Variants in PRKG1 observed in about 807,000 individuals in gnomAD.
The protein encoded by PRKG1 is protein kinase cGMP-dependent 1, also known as cGMP-dependent protein kinase 1.
In PRKG1, 35 loss-of-function variants were observed where a neutral mutation model predicts 88.1. The ratio of observed to expected loss-of-function variants is 0.40; its 90% CI spans 0.30 to 0.53. The LOEUF (loss-of-function observed/expected upper bound fraction) is 0.53. Among genes scored for constraint, PRKG1 ranks in the 20% least tolerant of loss-of-function variants. PRKG1 has a pLI of 0.59. For missense variants in PRKG1, 540 were observed against 839.8 expected, an observed-to-expected ratio of 0.64 and a Z score of 4.41; for synonymous variants, 303 against 292.5, an observed-to-expected ratio of 1.04 and a Z score of -0.37.
intron 2 of PRKG1, among the ~76,000 whole-genome samples, chr10:51,279,852 T>C (rs1290556376): frequency 1.3e-5 from 2 of 152,222 alleles, no homozygotes; most frequent in Non-Finnish European, 2.9e-5. Flanking sequence ...GTCTTTTAAT[T>C]GGAGCATTTA....
intron 2 of PRKG1, among the ~76,000 whole-genome samples, chr10:51,223,722 G>A (rs193214546): frequency 1.3e-4 from 19 of 151,890 alleles, no homozygotes; most frequent in African/African-American, 4.6e-4. Flanking sequence ...ACAATTCTTC[G>A]AGAAAGACAT....
chr10:51,151,297 C>G (rs1334789144), intron 1 of PRKG1, among the ~76,000 whole-genome samples: 1 of 151,856 alleles, frequency 6.6e-6, no homozygotes, highest in Non-Finnish European at 1.5e-5. Flanking sequence ...TTCTTGAGAC[C>G]AGGAGTGGTG....
intron 10 of PRKG1, among the ~76,000 whole-genome samples, chr10:52,261,135 GA>G (rs1008848406): frequency 8.2e-5 from 12 of 146,566 alleles, no homozygotes; most frequent in South Asian, 2.2e-4. Context: ...CTAAAAAATA[GA>G]AAAAAAAAAC....
At chr10:51,212,772 A>G (rs1216758974) in intron 2 of PRKG1, among the ~76,000 whole-genome samples, 2 of 152,224 alleles carry the variant, frequency 1.3e-5, no homozygotes, top group Non-Finnish European at 2.9e-5. Context: ...GTGAGATACC[A>G]TCTCACACCA....
chr10:51,651,136 T>A (rs1156867789), intron 3 of PRKG1, among the ~76,000 whole-genome samples: 1 of 152,126 alleles, frequency 6.6e-6, no homozygotes, highest in African/African-American at 2.4e-5. Flanking sequence ...AGAATATCAA[T>A]ACTATACTGA....
At chr10:51,003,341 A>G (rs946680981) in intron 1 of PRKG1, among the ~76,000 whole-genome samples, 4 of 152,226 alleles carry the variant, frequency 2.6e-5, no homozygotes, top group Non-Finnish European at 5.9e-5. Context: ...GGTTTGAAGC[A>G]TGCTACATTG....
chr10:51,280,863 C>G (rs528671109), intron 2 of PRKG1, among the ~76,000 whole-genome samples: 107 of 152,324 alleles, frequency 7.0e-4, no homozygotes, highest in African/African-American at 2.6e-3. Context: ...CTAATCTCAC[C>G]TAGTTAAAGT....
intron 5 of PRKG1, among the ~76,000 whole-genome samples, chr10:51,913,948 A>G (rs1842281194): frequency 1.3e-5 from 2 of 152,168 alleles, no homozygotes. Context: ...ATTTGAATTA[A>G]TTGAATGTAT....
intron 5 of PRKG1, among the ~76,000 whole-genome samples, chr10:52,037,566 T>A (rs574362639): frequency 0.014 from 2,143 of 152,226 alleles, 62 homozygotes; most frequent in African/African-American, 0.049. Flanking sequence ...GGGCTGGATT[T>A]TTATATTTGA....
At chr10:51,080,172 C>T (rs1344241401) in intron 1 of PRKG1, among the ~76,000 whole-genome samples, 1 of 152,136 alleles carries the variant, frequency 6.6e-6, no homozygotes, top group Non-Finnish European at 1.5e-5. Flanking sequence ...ATGAGACCAG[C>T]GTGCTAAAAC....
At position 50,991,662 on chromosome 10, in the gene PRKG1, G is replaced by GGGCCCGGGCGCTCGTCCC. The variant is rs1347930140; in HGVS notation, c.266+25_266+42dup. 2 of 1,469,498 alleles carry GGGCCCGGGCGCTCGTCCC rather than the reference G, an allele frequency of 1.4e-6. No homozygotes were observed. Among genetic ancestry groups the GGGCCCGGGCGCTCGTCCC allele is most frequent in the East Asian group, 3.0e-5 (1 of 33,544 alleles). 91.0% of individuals were successfully genotyped at this position (1,469,498 alleles called of 1,614,324 possible). On this transcript the variant is annotated intron_variant, in intron 1 of 17. Coordinates refer to the PRKG1 transcript ENST00000401604. This position sits in a 1 kb window ranked among gnomAD's most constrained non-coding sequence, Gnocchi z 4.5. ...TCCGAAAGGTAGGCGCGGAGGCCGT[G>GGGCCCGGGCGCTCGTCCC]GGCCCGGGCGCTCGTCCCGGCCCGC...
At chr10:51,481,257 T>C (rs1840349736) in intron 3 of PRKG1, among the ~76,000 whole-genome samples, 1 of 147,116 alleles carries the variant, frequency 6.8e-6, no homozygotes. Flanking sequence ...TGTCTCTTTC[T>C]GTCTTTCTTT....
intron 1 of PRKG1, among the ~76,000 whole-genome samples, chr10:51,050,763 G>A (rs10740111): frequency 0.36 from 54,113 of 151,930 alleles, 11,954 homozygotes; most frequent in African/African-American, 0.62. Flanking sequence ...GGCTGCACCA[G>A]TTTACATTTC....
chr10:51,668,725 GA>G (rs111745755), intron 3 of PRKG1, among the ~76,000 whole-genome samples: 92 of 147,910 alleles, frequency 6.2e-4, no homozygotes, highest in African/African-American at 1.5e-3. Context: ...TTGTGTTTTA[GA>G]AAAAAAAAAT....
intron 5 of PRKG1, among the ~76,000 whole-genome samples, chr10:51,914,287 A>G (rs1204287061): frequency 1.1e-3 from 6 of 5,660 alleles, no homozygotes; most frequent in East Asian, 0.11. Flanking sequence ...AGCAGCAAAT[A>G]AAAACTTTTT....
intron 3 of PRKG1, among the ~76,000 whole-genome samples, chr10:51,620,724 C>T (rs902510338): frequency 7.2e-5 from 11 of 152,082 alleles, no homozygotes; most frequent in Middle Eastern, 3.4e-3. Flanking sequence ...GTAATCCTCA[C>T]GATGACTTTA....
In PRKG1 at chr10:52,064,934, C is replaced by T. The variant is rs530834639; in HGVS notation, c.935+2303C>T. On this transcript the variant is annotated intron_variant, in intron 7 of 17. Transcript: ENST00000373980. Reference sequence around the variant, plus strand: ...CTTGTAGGTCATAATTGTCATCACTCTTATGGTGGTAGAGGTGGAAGAGTA... The same window carrying T: ...CTTGTAGGTCATAATTGTCATCACTTTTATGGTGGTAGAGGTGGAAGAGTA... 7.9e-5 allele frequency among the ~76,000 whole-genome samples: 12 copies of T among 152,268 alleles called. No individual in the cohort carries two copies. In the South Asian group the frequency reaches 8.3e-4, roughly 11 times the overall value.
At chr10:51,396,042 T>C (rs74131627) in intron 2 of PRKG1, among the ~76,000 whole-genome samples, 247 of 152,336 alleles carry the variant, frequency 1.6e-3, no homozygotes, top group African/African-American at 5.8e-3. Context: ...AACACTTTTA[T>C]CTACACTGTA....
intron 4 of PRKG1, among the ~76,000 whole-genome samples, chr10:51,832,542 A>G (rs7077502): frequency 0.21 from 31,731 of 152,008 alleles, 5,299 homozygotes; most frequent in African/African-American, 0.47. Context: ...ATCTACTCTA[A>G]GGGTGAGGGG....
Sources: allele counts gnomAD v4.1 joint callset (sites outside exome capture counted in the v4.1 genomes callset), GRCh38; gene constraint gnomAD v4.1.1; non-coding constraint Gnocchi (gnomAD v3.1); transcripts MANE v1.5; gene names NCBI Gene and HGNC (gene_info 2026-07-23, HGNC 2026-07-21).